The following LRCH1 variants were observed in gnomAD, a reference collection of about 807,000 sequenced individuals.
LRCH1 encodes leucine-rich repeat and calponin homology domain-containing protein 1.
Under a neutral mutation model 94.9 loss-of-function variants are expected in LRCH1, and 23 were observed. The observed-to-expected ratio is 0.24, with a 90% confidence interval of 0.17 to 0.34. The LOEUF (loss-of-function observed/expected upper bound fraction) is 0.34. Ranked by LOEUF, LRCH1 falls within the 10% of genes least tolerant of loss-of-function variation. The pLI, the probability that LRCH1 is intolerant of heterozygous loss-of-function variation, is 1.00. For synonymous variants in LRCH1, 364 were observed against 354.9 expected, an observed-to-expected ratio of 1.03 and a Z score of -0.29; for missense variants, 790 against 945.9, an observed-to-expected ratio of 0.84 and a Z score of 2.16.
chr13:46,712,593 A>G lies in LRCH1; in HGVS notation c.1650A>G (p.Arg550=). ...CAGCTCCATTTGGCCTGAAGCCTCGATCAGGTAAATGAAAACCTCAGCCCA... is the reference window on the plus strand; with the variant it reads ...CAGCTCCATTTGGCCTGAAGCCTCGGTCAGGTAAATGAAAACCTCAGCCCA... ...NSTAPFGLKP[R]SDPALILPPI... Residue 550 remains arginine, a synonymous_variant, in exon 15 of 20, where the codon CGA becomes CGG. Transcript: ENST00000389797. 1 of 1,613,710 alleles carries G rather than the reference A, an allele frequency of 6.2e-7. No individual in the cohort carries two copies. Among genetic ancestry groups the G allele is most frequent in the Non-Finnish European group, 8.5e-7 (1 of 1,179,662 alleles).
chr13:46,695,664 A>G (rs966090071), intron 9 of LRCH1, among the ~76,000 whole-genome samples: 2 of 152,218 alleles, frequency 1.3e-5, no homozygotes, highest in South Asian at 2.1e-4. Context: ...GTGGTGCCCA[A>G]GAATCATAAA....
intron 18 of LRCH1, among the ~76,000 whole-genome samples, chr13:46,732,092 A>C (rs1873138363): frequency 6.6e-6 from 1 of 152,214 alleles, no homozygotes; most frequent in Non-Finnish European, 1.5e-5. Context: ...TATCTGACCC[A>C]TAGTAAAGCA....
intron 1 of LRCH1, among the ~76,000 whole-genome samples, chr13:46,591,949 A>G (rs1594269013): frequency 6.6e-6 from 1 of 152,296 alleles, no homozygotes; most frequent in East Asian, 1.9e-4. Context: ...TGGGTGAAAA[A>G]TGTTTCTGGT....
chr13:46,681,726 C>G lies in LRCH1; in HGVS notation c.580-15C>G. ...AAAAAGATGTTTATTATTTCTCTCT[C>G]TGCTTTTGATACAGGATGTCAGCTG... On this transcript the variant is annotated splice_polypyrimidine_tract_variant and intron_variant, in intron 3 of 19. Transcript: ENST00000389797. 1 of 1,554,928 alleles carries G rather than the reference C, an allele frequency of 6.4e-7. No individual in the cohort carries two copies.
chr13:46,592,112 A>G (rs2050506561), intron 1 of LRCH1, among the ~76,000 whole-genome samples: 1 of 152,216 alleles, frequency 6.6e-6, no homozygotes, highest in African/African-American at 2.4e-5. Flanking sequence ...AGCCCCTACC[A>G]TCTTTCCACT....
At position 46,743,842 on chromosome 13, in the gene LRCH1, C is replaced by T; in HGVS notation, c.*1994C>T. 1.0e-6 allele frequency: 1 copy of T among 982,852 alleles called. No individual in the cohort carries two copies. The highest frequency in any genetic ancestry group is 1.2e-6 in the Non-Finnish European group (1 of 827,720). 60.9% of individuals were successfully genotyped at this position (982,852 alleles called of 1,614,324 possible). On this transcript the variant is annotated 3_prime_UTR_variant, in exon 20 of 20. Transcript: ENST00000389797. ...TTTAATTTTCAGTGTTGATATAGTT[C>T]AATTAAAACATGTTAAAGACAAATT...
intron 1 of LRCH1, among the ~76,000 whole-genome samples, chr13:46,597,894 A>C (rs1340584200): frequency 6.6e-6 from 1 of 152,072 alleles, no homozygotes. Context: ...CAGGAACCTA[A>C]CCCTGTGTTT....
intron 15 of LRCH1, 136 bp from the exon 16 acceptor site, chr13:46,715,424 A>G (rs938208557): frequency 3.2e-6 from 2 of 623,948 alleles, no homozygotes; most frequent in South Asian, 1.8e-5. Flanking sequence ...TGCATTTGAA[A>G]TTAAACCCCA....
intron 18 of LRCH1, among the ~76,000 whole-genome samples, chr13:46,732,628 C>A (rs1873165395): frequency 6.6e-6 from 1 of 152,192 alleles, no homozygotes; most frequent in South Asian, 2.1e-4. Flanking sequence ...AGAAAAGACT[C>A]ACCTAAATCA....
At chr13:46,635,286 C>T (rs2051070157) in intron 1 of LRCH1, among the ~76,000 whole-genome samples, 1 of 152,172 alleles carries the variant, frequency 6.6e-6, no homozygotes, top group African/African-American at 2.4e-5. Flanking sequence ...TTTAGCATAT[C>T]TCCATCCCTG....
intron 1 of LRCH1, among the ~76,000 whole-genome samples, chr13:46,592,819 C>T (rs1007712056): frequency 2.6e-5 from 4 of 152,086 alleles, no homozygotes; most frequent in Non-Finnish European, 5.9e-5. Context: ...GATCTGGCCC[C>T]GTCTTACCTC....
At chr13:46,709,629 C>T (rs1241574055) in intron 13 of LRCH1, among the ~76,000 whole-genome samples, 2 of 151,988 alleles carry the variant, frequency 1.3e-5, no homozygotes, top group East Asian at 1.9e-4. Context: ...TTTCGGGAGT[C>T]CCTAGAAGAC....
At chr13:46,712,276 T>C (rs1872103735) in intron 14 of LRCH1, among the ~76,000 whole-genome samples, 1 of 152,162 alleles carries the variant, frequency 6.6e-6, no homozygotes, top group African/African-American at 2.4e-5. Context: ...AGTGCCAGTG[T>C]CACGTAATTG....
At chr13:46,584,073 A>G (rs1364751475) in intron 1 of LRCH1, among the ~76,000 whole-genome samples, 2 of 151,766 alleles carry the variant, frequency 1.3e-5, no homozygotes, top group African/African-American at 4.8e-5. Context: ...AAAGACTGAA[A>G]ACTTTAACCA....
downstream of LRCH1, among the ~76,000 whole-genome samples, chr13:46,745,837 A>G (rs1566265015): frequency 6.6e-6 from 1 of 152,230 alleles, no homozygotes; most frequent in East Asian, 1.9e-4. Flanking sequence ...CTTTGGGAGC[A>G]TAAGAAACTG....
At chr13:46,568,288 G>A (rs2050206713) in intron 1 of LRCH1, among the ~76,000 whole-genome samples, 1 of 152,168 alleles carries the variant, frequency 6.6e-6, no homozygotes, top group South Asian at 2.1e-4. Context: ...ATGAATAATA[G>A]CACCCTCTTT....
rs534345140 is a variant in LRCH1 at position 46,685,929 on chromosome 13, A to G, written c.710A>G (p.Lys237Arg). Reference sequence around the variant, plus strand: ...GAACTAGTAGATCTTTCCTTGGTAAAGTTTGACTTTTCCTGCAACAAAGTG... The same window carrying G: ...GAACTAGTAGATCTTTCCTTGGTAAGGTTTGACTTTTCCTGCAACAAAGTG... ...PQELVDLSLVKFDFSCNKVLV... is the reference protein window; with the variant it reads ...PQELVDLSLVRFDFSCNKVLV... Residue 237 changes from lysine (K) to arginine (R), a missense_variant, in exon 5 of 20, where the codon AAG (lysine) becomes AGG (arginine). Around this residue, in one of 3 missense-constraint regions of LRCH1, gnomAD observed 194 missense variants for 293.5 expected, o/e 0.66. Coordinates refer to ENST00000389797, the MANE Select transcript of LRCH1 (RefSeq NM_001164211.2). 41 of 1,603,756 alleles carry G rather than the reference A, an allele frequency of 2.6e-5. No individual in the cohort carries two copies. The South Asian group carries it at 4.0e-4, about 16-fold the overall frequency.
chr13:46,695,953 T>G (rs1871157862), intron 9 of LRCH1, among the ~76,000 whole-genome samples: 1 of 152,204 alleles, frequency 6.6e-6, no homozygotes, highest in African/African-American at 2.4e-5. Context: ...GTTTATAGAT[T>G]ACAGAAGTTG....
Position 46,575,510 on chromosome 13 carries a change from A to ATGTGTGTGTGTGTGTGTGTG in LRCH1, c.307+21823_307+21842dup, listed in dbSNP as rs59582784. On this transcript the variant is annotated intron_variant, in intron 1 of 19. Coordinates refer to ENST00000389797, the MANE Select transcript of LRCH1 (RefSeq NM_001164211.2). ...GCATAACTGAAAAATCTGTGCATGA[A>ATGTGTGTGTGTGTGTGTGTG]TGTGTGTGTGTGTGTGTGTGTGTGT... 1.3e-4 allele frequency among the ~76,000 whole-genome samples: 19 copies of ATGTGTGTGTGTGTGTGTGTG among 143,370 alleles called. 1 individual carries two copies. The South Asian group carries it at 2.1e-3, about 16-fold the overall frequency. The allele number at this position is 143,370 out of a possible 152,430, so 94.1% of individuals were successfully genotyped here.
Sources: gnomAD v4.1 joint callset for allele counts (sites outside exome capture counted in the v4.1 genomes callset) on GRCh38, gnomAD v4.1.1 for gene constraint, gnomAD v4.1.1 regional missense constraint, MANE v1.5 for transcripts, NCBI Gene and HGNC (gene_info 2026-07-23, HGNC 2026-07-21) for gene names.